Variants in NPAS2 observed in about 807,000 individuals in gnomAD.
NPAS2 encodes the protein neuronal PAS domain protein 2, also known as neuronal PAS domain-containing protein 2.
A neutral mutation model predicts 107.5 loss-of-function variants in NPAS2; 23 were observed. The ratio of observed to expected loss-of-function variants is 0.21; its 90% CI spans 0.15 to 0.30. The LOEUF (loss-of-function observed/expected upper bound fraction) is 0.30. Among genes scored for constraint, NPAS2 ranks in the 10% least tolerant of loss-of-function variants. The probability of loss-of-function intolerance (pLI) is 1.00; values close to 1 mark genes in which losing one functional copy is unlikely to be tolerated. For synonymous variants in NPAS2, 403 were observed against 417.5 expected (o/e 0.97, Z 0.42); for missense variants, 756 against 1,043.3 (o/e 0.72, Z 3.79).
chr2:100,959,817 A>G (rs1675816310), intron 7 of NPAS2, among the ~76,000 whole-genome samples: 1 of 152,224 alleles, frequency 6.6e-6, no homozygotes, highest in African/African-American at 2.4e-5. Flanking sequence ...CTAATTTATC[A>G]TAAGCAGGTC....
chr2:100,846,433 CTT>C (rs1331239072), intron 1 of NPAS2, among the ~76,000 whole-genome samples: 3 of 152,076 alleles, frequency 2.0e-5, no homozygotes, highest in African/African-American at 7.2e-5. Context: ...CTTCTCTTGT[CTT>C]TGTGTGTGTT....
At chr2:100,970,682 G>A (rs1361251284) in intron 11 of NPAS2, 2 of 265,196 alleles carry the variant, frequency 7.5e-6, no homozygotes, top group Non-Finnish European at 1.4e-5. Flanking sequence ...ACGAAAATGT[G>A]TTTTTTAAAG....
intron 7 of NPAS2, among the ~76,000 whole-genome samples, chr2:100,959,936 C>T (rs1328615832): frequency 6.6e-6 from 1 of 152,216 alleles, no homozygotes; most frequent in Non-Finnish European, 1.5e-5. Flanking sequence ...TTAACTAATG[C>T]TATTACCATT....
At chr2:100,950,773 G>T (rs1481874644) in intron 7 of NPAS2, among the ~76,000 whole-genome samples, 1 of 152,186 alleles carries the variant, frequency 6.6e-6, no homozygotes, top group Non-Finnish European at 1.5e-5. Flanking sequence ...GGTCGGAAGT[G>T]GTGGGAAGTC....
intron 1 of NPAS2, among the ~76,000 whole-genome samples, chr2:100,852,118 C>T (rs561969278): frequency 2.9e-4 from 44 of 152,210 alleles, no homozygotes; most frequent in Non-Finnish European, 5.9e-4. Flanking sequence ...AGTTTTTGGC[C>T]GGGCACGGTG....
chr2:100,875,937 G>A (rs1318328432), intron 1 of NPAS2, among the ~76,000 whole-genome samples: 6 of 152,158 alleles, frequency 3.9e-5, no homozygotes, highest in Admixed American at 3.9e-4. Context: ...TGGGAGGATG[G>A]GTTAAAACCG....
chr2:100,875,902 A>G (rs1679937203), intron 1 of NPAS2, among the ~76,000 whole-genome samples: 1 of 152,214 alleles, frequency 6.6e-6, no homozygotes, highest in African/African-American at 2.4e-5. Context: ...ACTTCAAGCC[A>G]CGTGATATTA....
At chr2:100,995,299 T>G in intron 20 of NPAS2, 101 bp from the exon 21 acceptor site, 3 of 991,018 alleles carry the variant, frequency 3.0e-6, no homozygotes, top group African/African-American at 1.6e-5. Flanking sequence ...GACAGCCCTG[T>G]AGTCTAACTC....
At chr2:100,975,341 T>C (rs955133462) in intron 13 of NPAS2, 117 bp from the exon 14 acceptor site, 3 of 899,186 alleles carry the variant, frequency 3.3e-6, no homozygotes, top group African/African-American at 3.4e-5. Flanking sequence ...GGACTTCCTT[T>C]ATCAGAGATC....
chr2:100,837,743 C>T (rs1437642704), intron 1 of NPAS2, among the ~76,000 whole-genome samples: 3 of 152,066 alleles, frequency 2.0e-5, no homozygotes, highest in Non-Finnish European at 1.5e-5. Flanking sequence ...TCAGATTGGT[C>T]TTTTTGCCCT....
intron 1 of NPAS2, among the ~76,000 whole-genome samples, chr2:100,876,100 G>A (rs1679950022): frequency 6.6e-6 from 1 of 152,062 alleles, no homozygotes; most frequent in South Asian, 2.1e-4. Context: ...TTGAGTAAAT[G>A]AGAGCAGGCC....
chr2:100,950,323 A>T (rs1472543797), intron 7 of NPAS2, among the ~76,000 whole-genome samples: 1 of 152,218 alleles, frequency 6.6e-6, no homozygotes, highest in Non-Finnish European at 1.5e-5. Context: ...GGAATGGGGG[A>T]AAAAAGAGGA....
chr2:100,825,997 T>C (rs1676350176), intron 1 of NPAS2, among the ~76,000 whole-genome samples: 1 of 152,182 alleles, frequency 6.6e-6, no homozygotes, highest in South Asian at 2.1e-4. Context: ...ATGAAACCAT[T>C]ACCAGATGAA....
chr2:100,952,379 AC>A (rs1351886375), intron 7 of NPAS2, among the ~76,000 whole-genome samples: 2 of 151,884 alleles, frequency 1.3e-5, no homozygotes, highest in African/African-American at 4.8e-5. Context: ...AGCCTGACCA[AC>A]ATGGAGAAAC....
intron 1 of NPAS2, among the ~76,000 whole-genome samples, chr2:100,885,182 C>T (rs1434830827): frequency 6.6e-6 from 1 of 152,150 alleles, no homozygotes; most frequent in Admixed American, 6.5e-5. Flanking sequence ...TGTCTCCTGA[C>T]CTCATGATCC....
At chr2:100,821,639 C>G (rs1676078348) in intron 1 of NPAS2, among the ~76,000 whole-genome samples, 1 of 152,218 alleles carries the variant, frequency 6.6e-6, no homozygotes, top group Non-Finnish European at 1.5e-5. Flanking sequence ...GCCAGCATCT[C>G]TCTCTCACTG....
At chr2:100,921,814 T>C (rs913234880) in intron 2 of NPAS2, among the ~76,000 whole-genome samples, 2 of 152,252 alleles carry the variant, frequency 1.3e-5, no homozygotes, top group Middle Eastern at 3.4e-3. Flanking sequence ...GACCCAGCAA[T>C]TCCATGCCTC....
chr2:100,982,096 G>T, intron 15 of NPAS2, 135 bp from the exon 16 acceptor site: 1 of 1,078,970 alleles, frequency 9.3e-7, no homozygotes, highest in Non-Finnish European at 1.3e-6. Flanking sequence ...GGACCCAGCC[G>T]TGGGCTCCTT....
chr2:100,819,480 G>T (rs1199060258), upstream of NPAS2, among the ~76,000 whole-genome samples: 1 of 151,528 alleles, frequency 6.6e-6, no homozygotes, highest in Non-Finnish European at 1.5e-5. This position sits in a 1 kb window ranked among gnomAD's most constrained non-coding sequence, Gnocchi z 5.8. Flanking sequence ...CCTCCCACCT[G>T]CCCCCGGGCC....
Sources: gnomAD v4.1 joint callset for allele counts (sites outside exome capture counted in the v4.1 genomes callset) on GRCh38, gnomAD v4.1.1 for gene constraint, Gnocchi (gnomAD v3.1) non-coding constraint, MANE v1.5 for transcripts, NCBI Gene and HGNC (gene_info 2026-07-23, HGNC 2026-07-21) for gene names.